The following COL23A1 variants were observed in gnomAD, a reference collection of about 807,000 sequenced individuals.
COL23A1 encodes the protein collagen type XXIII alpha 1 chain.
COL23A1 carries 97 observed loss-of-function variants against 99.3 expected under a neutral mutation model. The ratio of observed to expected loss-of-function variants is 0.98; its 90% CI spans 0.83 to 1.16. The LOEUF is 1.16. Among genes scored for constraint, COL23A1 ranks in the 50% most tolerant of loss-of-function variants. COL23A1 has a pLI of 0.00. For synonymous variants in COL23A1, 320 were observed against 308.2 expected (o/e 1.04, Z -0.40); for missense variants, 762 against 757.4 (o/e 1.01, Z -0.07).
chr5:178,413,658 A>G (rs1765160188), intron 2 of COL23A1, among the ~76,000 whole-genome samples: 1 of 152,236 alleles, frequency 6.6e-6, no homozygotes, highest in Non-Finnish European at 1.5e-5. Context: ...GAGAAGTTCC[A>G]GATGAGATGG....
chr5:178,502,232 C>G (rs981542868), intron 2 of COL23A1, among the ~76,000 whole-genome samples: 2 of 152,110 alleles, frequency 1.3e-5, no homozygotes, highest in African/African-American at 4.8e-5. Flanking sequence ...CCCAGGTTCA[C>G]GCCATTCTCC....
At chr5:178,271,199 G>A (rs183256244) in intron 5 of COL23A1, among the ~76,000 whole-genome samples, 20 of 152,266 alleles carry the variant, frequency 1.3e-4, no homozygotes, top group Non-Finnish European at 2.1e-4. Flanking sequence ...GCTCCCCTCC[G>A]TGTGGGAGTG....
intron 2 of COL23A1, among the ~76,000 whole-genome samples, chr5:178,393,306 G>A (rs1043085362): frequency 6.6e-6 from 1 of 152,176 alleles, no homozygotes; most frequent in African/African-American, 2.4e-5. Context: ...AAGGACAAAT[G>A]CTGGATGAGC....
intron 8 of COL23A1, 128 bp downstream of exon 8, chr5:178,267,179 A>C: frequency 9.9e-7 from 1 of 1,012,076 alleles, no homozygotes; most frequent in Non-Finnish European, 1.5e-6. Flanking sequence ...TGGGTGGGGA[A>C]GAGCCCTCTT....
intron 2 of COL23A1, among the ~76,000 whole-genome samples, chr5:178,319,039 T>C (rs1457777535): frequency 6.6e-6 from 1 of 152,116 alleles, no homozygotes; most frequent in African/African-American, 2.4e-5. Context: ...GGACTGCTGG[T>C]ACCCTCACAG....
At chr5:178,393,358 G>A (rs1052777918) in intron 2 of COL23A1, among the ~76,000 whole-genome samples, 4 of 152,202 alleles carry the variant, frequency 2.6e-5, no homozygotes, top group African/African-American at 9.6e-5. Context: ...GAAGTAAATG[G>A]TGGGTGCCAG....
chr5:178,570,896 G>A (rs1279827775), intron 1 of COL23A1, among the ~76,000 whole-genome samples: 1 of 151,922 alleles, frequency 6.6e-6, no homozygotes, highest in Non-Finnish European at 1.5e-5. Flanking sequence ...GATCCCCTTC[G>A]AGTAGGAGGC....
At position 178,326,223 on chromosome 5, in the gene COL23A1, G is replaced by A. The variant is rs1193007381; in HGVS notation, c.362-19304C>T. On this transcript the variant is annotated intron_variant, in intron 2 of 28. Coordinates refer to ENST00000390654, the MANE Select transcript of COL23A1 (RefSeq NM_173465.4). The stretch of plus-strand genomic sequence containing the variant: ...CGTGCTCGCGGCAAGCCTGCTTGAC[G>A]GCCCCATAGCCAGCATATGTTTCTT... 5.9e-5 allele frequency among the ~76,000 whole-genome samples: 9 copies of A among 152,248 alleles called. No individual in the cohort carries two copies. In the South Asian group the frequency reaches 1.5e-3, roughly 25 times the overall value.
At chr5:178,417,713 C>G (rs1765389958) in intron 2 of COL23A1, among the ~76,000 whole-genome samples, 1 of 152,174 alleles carries the variant, frequency 6.6e-6, no homozygotes, top group Admixed American at 6.5e-5. Context: ...CCTCCCTCAC[C>G]TTGCTGCCCG....
intron 1 of COL23A1, among the ~76,000 whole-genome samples, chr5:178,565,878 C>T (rs1193201185): frequency 2.7e-5 from 4 of 150,258 alleles, no homozygotes; most frequent in South Asian, 2.1e-4. Flanking sequence ...TTTGGGAGGC[C>T]GAGGCAGGCA....
chr5:178,280,067 A>T lies in COL23A1; in HGVS notation c.441+8257T>A, dbSNP rs1464158105. Among the ~76,000 whole-genome samples the T allele has an allele frequency of 1.3e-5, 2 of 152,246 alleles. No homozygotes were observed. Among genetic ancestry groups the T allele is most frequent in the Admixed American group, 6.5e-5 (1 of 15,292 alleles). On this transcript the variant is annotated intron_variant, in intron 5 of 28. Transcript: ENST00000390654. The surrounding 1 kb of genome is among the most constrained non-coding windows in gnomAD (Gnocchi z 4.9). ...ACAGTAAATACCCGCTGAATGGATCAACAACGGTGAAGGGAACGATTCTCT... is the reference window on the plus strand; with the variant it reads ...ACAGTAAATACCCGCTGAATGGATCTACAACGGTGAAGGGAACGATTCTCT...
intron 2 of COL23A1, among the ~76,000 whole-genome samples, chr5:178,356,131 GC>G (rs1185016535): frequency 1.3e-5 from 2 of 152,188 alleles, no homozygotes; most frequent in Non-Finnish European, 2.9e-5. Context: ...CAGGCTTAGG[GC>G]CCCACTCTAA....
chr5:178,239,025 A>G, intron 28 of COL23A1, 116 bp downstream of exon 28: 1 of 1,197,204 alleles, frequency 8.4e-7, no homozygotes, highest in Non-Finnish European at 1.2e-6. Context: ...TCACTGTGCG[A>G]GAAGCCGCAG....
intron 2 of COL23A1, among the ~76,000 whole-genome samples, chr5:178,443,338 A>C (rs989022666): frequency 6.6e-6 from 1 of 152,226 alleles, no homozygotes; most frequent in Admixed American, 6.5e-5. Flanking sequence ...CAGACACACA[A>C]AGGCCAAATG....
At chr5:178,526,475 C>G (rs1256948226) in intron 2 of COL23A1, among the ~76,000 whole-genome samples, 1 of 152,158 alleles carries the variant, frequency 6.6e-6, no homozygotes, top group Admixed American at 6.5e-5. Context: ...GGCCAACACA[C>G]AGGACTGCAG....
At position 178,306,877 on chromosome 5, in the gene COL23A1, G is replaced by A; in HGVS notation, c.404C>T (p.Pro135Leu). The A allele has an allele frequency of 1.3e-6, 2 of 1,538,786 alleles. No individual in the cohort carries two copies. Among genetic ancestry groups the A allele is most frequent in the African/African-American group, 1.4e-5 (1 of 71,102 alleles). The change falls in exon 3 of 29, where the codon CCT becomes CTT. Residue 135 changes from proline (P) to leucine (L), a missense_variant and splice_region_variant. Transcript: ENST00000390654. This position sits in a 1 kb window ranked among gnomAD's most constrained non-coding sequence, Gnocchi z 4.1. ...AGCTGAGAAAACCTGGGACTCACCA[G>A]GGTCGCCTCTTCTCCCAGGCTTGCC... ...RRGKPGRRGDPGPPGQSGRDG... is the reference protein window; with the variant it reads ...RRGKPGRRGDLGPPGQSGRDG...
intron 2 of COL23A1, among the ~76,000 whole-genome samples, chr5:178,505,511 A>G (rs868476122): frequency 6.6e-6 from 1 of 152,080 alleles, no homozygotes; most frequent in Non-Finnish European, 1.5e-5. Flanking sequence ...TCAGCCTCCC[A>G]AAGTGCTGGG....
intron 2 of COL23A1, among the ~76,000 whole-genome samples, chr5:178,451,222 T>G (rs949835759): frequency 6.6e-6 from 1 of 152,220 alleles, no homozygotes; most frequent in African/African-American, 2.4e-5. Context: ...CATAAGATCA[T>G]TTAACTTCTA....
chr5:178,369,224 A>T (rs968348805), intron 2 of COL23A1, among the ~76,000 whole-genome samples: 1 of 152,166 alleles, frequency 6.6e-6, no homozygotes, highest in Non-Finnish European at 1.5e-5. Context: ...GGAGACGAAC[A>T]GGTCTGGGGC....
Sources: allele counts gnomAD v4.1 joint callset (sites outside exome capture counted in the v4.1 genomes callset), GRCh38; gene constraint gnomAD v4.1.1; non-coding constraint Gnocchi (gnomAD v3.1); transcripts MANE v1.5; gene names NCBI Gene and HGNC (gene_info 2026-07-23, HGNC 2026-07-21).